DENND1A: variants seen among roughly 807,000 people sequenced by gnomAD.
DENND1A encodes DENN domain containing 1A, also known as DENN domain-containing protein 1A.
A neutral mutation model predicts 113.7 loss-of-function variants in DENND1A; 51 were observed. The ratio of observed to expected loss-of-function variants is 0.45; its 90% CI spans 0.36 to 0.57. DENND1A has a LOEUF of 0.57. DENND1A is among the 20% of genes least tolerant of loss of function. DENND1A has a pLI of 0.00. For missense variants in DENND1A, 1,258 were observed against 1,395.9 expected, an observed-to-expected ratio of 0.90 and a Z score of 1.57; for synonymous variants, 565 against 570.8, an observed-to-expected ratio of 0.99 and a Z score of 0.14.
At chr9:123,900,465 C>T (rs149174527) in intron 1 of DENND1A, among the ~76,000 whole-genome samples, 2 of 152,200 alleles carry the variant, frequency 1.3e-5, no homozygotes, top group Admixed American at 6.5e-5. Flanking sequence ...CCTTCAAGTG[C>T]GGCAGGAGGG....
chr9:123,482,055 C>T (rs544962658), intron 13 of DENND1A, among the ~76,000 whole-genome samples: 1 of 151,930 alleles, frequency 6.6e-6, no homozygotes, highest in South Asian at 2.1e-4. Flanking sequence ...CCACCTGCCT[C>T]GGCCTCTCAA....
intron 12 of DENND1A, among the ~76,000 whole-genome samples, chr9:123,565,267 C>T (rs903861044): frequency 2.0e-5 from 3 of 152,180 alleles, no homozygotes; most frequent in African/African-American, 4.8e-5. Context: ...GCTGGGATTA[C>T]AGGCGTGAGC....
chr9:123,398,012 A>C (rs1255592336), intron 21 of DENND1A, among the ~76,000 whole-genome samples: 2 of 152,228 alleles, frequency 1.3e-5, no homozygotes, highest in East Asian at 1.9e-4. Flanking sequence ...AGTCGAAAGC[A>C]CTTGGCTCTG....
Position 123,382,359 on chromosome 9 carries a change from C to T in DENND1A, c.2286G>A (p.Arg762=), listed in dbSNP as rs200149796. ...GCTCTGGGGTCTTCCTGCCTTGGGGCCGGGGGATGGTGATGCTGCCCAGAG... is the reference window on the plus strand; with the variant it reads ...GCTCTGGGGTCTTCCTGCCTTGGGGTCGGGGGATGGTGATGCTGCCCAGAG... ...TPTLGSITIP[R]PQGRKTPELG... The change falls in exon 24 of 24, where the codon CGG becomes CGA. Residue 762 remains arginine, a synonymous_variant. Transcript: ENST00000394215. 5.6e-6 allele frequency: 9 copies of T among 1,600,988 alleles called. No individual in the cohort carries two copies. The highest frequency in any genetic ancestry group is 6.8e-6 in the Non-Finnish European group (8 of 1,173,706).
chr9:123,895,043 C>T (rs74309563), intron 1 of DENND1A, among the ~76,000 whole-genome samples: 1 of 150,752 alleles, frequency 6.6e-6, no homozygotes, highest in African/African-American at 2.4e-5. Context: ...CTCAGAAACA[C>T]TGCAGCTGCA....
At chr9:123,425,685 A>G (rs1439678727) in intron 19 of DENND1A, among the ~76,000 whole-genome samples, 1 of 152,212 alleles carries the variant, frequency 6.6e-6, no homozygotes, top group Non-Finnish European at 1.5e-5. Flanking sequence ...AGAGAAGGCC[A>G]ATTCTGTCCT....
At chr9:123,758,219 C>A (rs139147103) in intron 4 of DENND1A, among the ~76,000 whole-genome samples, 1 of 152,180 alleles carries the variant, frequency 6.6e-6, no homozygotes, top group Non-Finnish European at 1.5e-5. Flanking sequence ...TTAACCCTCG[C>A]GCTGATTCCA....
intron 11 of DENND1A, among the ~76,000 whole-genome samples, chr9:123,607,522 G>C (rs6478624): frequency 0.019 from 1,363 of 70,008 alleles, 5 homozygotes; most frequent in African/African-American, 0.074. Context: ...CACACACACA[G>C]AGAGAGAGAG....
intron 1 of DENND1A, among the ~76,000 whole-genome samples, chr9:123,902,811 T>A (rs1247076598): frequency 2.0e-5 from 3 of 151,022 alleles, no homozygotes; most frequent in Non-Finnish European, 2.9e-5. Flanking sequence ...AGCTGTTTTT[T>A]TTTTTTTTAA....
chr9:123,381,008 C>T lies in DENND1A; in HGVS notation c.*424G>A, dbSNP rs7869767. On this transcript the variant is annotated 3_prime_UTR_variant, in exon 24 of 24. Transcript: ENST00000394215. The surrounding 1 kb of genome is among the most constrained non-coding windows in gnomAD (Gnocchi z 4.7). The stretch of plus-strand genomic sequence containing the variant: ...GGAGGGTAACCCTGTCACCTGTGTC[C>T]GAGGAGGTGGGCGTGCAGGGCCTGG... The T allele has an allele frequency of 6.7e-3, 1,370 of 203,870 alleles. 19 individuals carry two copies. The highest frequency in any genetic ancestry group is 0.031 in the African/African-American group (1,310 of 42,394). 12.6% of individuals were successfully genotyped at this position (203,870 alleles called of 1,614,324 possible).
At chr9:123,490,226 A>G (rs1399323657) in intron 13 of DENND1A, among the ~76,000 whole-genome samples, 1 of 152,196 alleles carries the variant, frequency 6.6e-6, no homozygotes, top group Non-Finnish European at 1.5e-5. Flanking sequence ...GAATAATGCG[A>G]CCCACTACAT....
chr9:123,694,667 G>A (rs1006156156), intron 5 of DENND1A, among the ~76,000 whole-genome samples: 4 of 151,780 alleles, frequency 2.6e-5, no homozygotes, highest in Non-Finnish European at 4.4e-5. Flanking sequence ...ATCTAGAATT[G>A]TCCTAAAACA....
At chr9:123,407,248 C>G (rs2131401607) in intron 20 of DENND1A, among the ~76,000 whole-genome samples, 1 of 152,120 alleles carries the variant, frequency 6.6e-6, no homozygotes, top group South Asian at 2.1e-4. Flanking sequence ...GGCGGTTGGT[C>G]ACCAGCATGG....
intron 9 of DENND1A, among the ~76,000 whole-genome samples, chr9:123,645,332 G>C (rs1464531295): frequency 2.0e-5 from 3 of 152,144 alleles, no homozygotes; most frequent in Non-Finnish European, 4.4e-5. Context: ...GAAGAATGTG[G>C]TTTGTCAAGT....
chr9:123,713,217 G>A (rs1392510167), intron 5 of DENND1A, among the ~76,000 whole-genome samples: 2 of 152,208 alleles, frequency 1.3e-5, no homozygotes, highest in African/African-American at 4.8e-5. Flanking sequence ...AATAAAAAAG[G>A]AGAACATATT....
At chr9:123,510,330 T>C (rs1253475034) in intron 13 of DENND1A, among the ~76,000 whole-genome samples, 1 of 152,264 alleles carries the variant, frequency 6.6e-6, no homozygotes, top group Non-Finnish European at 1.5e-5. Context: ...TGCGGTCATA[T>C]GAACTCATCT....
At chr9:123,835,646 CTCT>C (rs1479182865) in intron 2 of DENND1A, among the ~76,000 whole-genome samples, 1 of 150,126 alleles carries the variant, frequency 6.7e-6, no homozygotes, top group Admixed American at 6.6e-5. Flanking sequence ...CTGCATTTTC[CTCT>C]TGATTTCCAG....
intron 2 of DENND1A, among the ~76,000 whole-genome samples, chr9:123,863,577 C>G (rs768607585): frequency 6.6e-5 from 10 of 151,136 alleles, no homozygotes; most frequent in Admixed American, 1.3e-4. Context: ...ACTGCAATCA[C>G]ATTTTGGTTT....
chr9:123,722,331 G>A (rs2067398569), intron 5 of DENND1A, among the ~76,000 whole-genome samples: 3 of 152,168 alleles, frequency 2.0e-5, no homozygotes, highest in Admixed American at 6.5e-5. Context: ...AAACATAAAA[G>A]TTTGAAAAAT....
Sources: allele counts gnomAD v4.1 joint callset (sites outside exome capture counted in the v4.1 genomes callset), GRCh38; gene constraint gnomAD v4.1.1; non-coding constraint Gnocchi (gnomAD v3.1); transcripts MANE v1.5; gene names NCBI Gene and HGNC (gene_info 2026-07-23, HGNC 2026-07-21).